PRKAR1B: variants seen among roughly 807,000 people sequenced by gnomAD.
PRKAR1B encodes protein kinase cAMP-dependent type I regulatory subunit beta, also known as cAMP-dependent protein kinase type I-beta regulatory subunit.
A neutral mutation model predicts 46.5 loss-of-function variants in PRKAR1B; 22 were observed. That is an observed-to-expected ratio of 0.47 (90% CI 0.34 to 0.68). PRKAR1B has a LOEUF of 0.68. Among genes scored for constraint, PRKAR1B ranks in the 30% least tolerant of loss-of-function variants. PRKAR1B has a pLI of 0.01. For missense variants in PRKAR1B, 445 were observed against 535.6 expected, an observed-to-expected ratio of 0.83 and a Z score of 1.67; for synonymous variants, 259 against 217.7, an observed-to-expected ratio of 1.19 and a Z score of -1.67.
At chr7:691,549 C>T in intron 2 of PRKAR1B, 1 of 1,304,482 alleles carries the variant, frequency 7.7e-7, no homozygotes, top group Non-Finnish European at 1.0e-6. Context: ...CCAGTGGATC[C>T]ATGTCCACAC....
At chr7:582,575 C>T (rs530297556) in intron 8 of PRKAR1B, among the ~76,000 whole-genome samples, 4 of 152,386 alleles carry the variant, frequency 2.6e-5, no homozygotes, top group South Asian at 4.1e-4. Context: ...ACGGAGGCCA[C>T]GCGGCCAGGG....
Position 550,323 on chromosome 7 carries a change from G to GC in PRKAR1B, c.*106dup, listed in dbSNP as rs1187939872. On this transcript the variant is annotated 3_prime_UTR_variant, in exon 11 of 11. Transcript: ENST00000537384. ...GCAGTCCTCACGCTGCCGGGACCCA[G>GC]CCCCACCCGGCCCACACCTCACACA... The GC allele has an allele frequency of 5.9e-6, 6 of 1,015,086 alleles. No homozygotes were observed. Among genetic ancestry groups the GC allele is most frequent in the African/African-American group, 1.6e-5 (1 of 62,376 alleles). The allele number at this position is 1,015,086 out of a possible 1,614,324, so 62.9% of individuals were successfully genotyped here. A position where few individuals can be genotyped will look rare whatever the true frequency, so the allele number is the denominator to read the frequency against.
chr7:715,443 C>A (rs1401421532), intron 1 of PRKAR1B, among the ~76,000 whole-genome samples: 1 of 152,056 alleles, frequency 6.6e-6, no homozygotes, highest in African/African-American at 2.4e-5. Flanking sequence ...GGTGACAAAC[C>A]CTGACGTGTG....
chr7:660,547 C>T (rs1165665074), intron 4 of PRKAR1B, among the ~76,000 whole-genome samples: 8 of 116,576 alleles, frequency 6.9e-5, no homozygotes, highest in East Asian at 6.0e-4. Flanking sequence ...CCCACCCCAA[C>T]GGGTCCAAAT....
chr7:566,150 T>C (rs1346131891), intron 9 of PRKAR1B, among the ~76,000 whole-genome samples: 1 of 68,902 alleles, frequency 1.5e-5, no homozygotes, highest in Non-Finnish European at 3.3e-5. Flanking sequence ...CCTTTATCAT[T>C]ACCATTACCA....
chr7:607,493 C>A, intron 4 of PRKAR1B, 41 bp from the exon 5 acceptor site: 2 of 1,561,932 alleles, frequency 1.3e-6, no homozygotes, highest in Non-Finnish European at 1.8e-6. Flanking sequence ...GCAGGCAGCA[C>A]AGGGACATTT....
chr7:550,518 G>C lies in PRKAR1B; in HGVS notation c.1058C>G (p.Pro353Arg). The C allele has an allele frequency of 6.2e-7, 1 of 1,604,238 alleles. No individual in the cohort carries two copies. Among genetic ancestry groups the C allele is most frequent in the Non-Finnish European group, 8.5e-7 (1 of 1,176,120 alleles). Reference protein sequence around the residue: ...GPLKCVKLDRPRFERVLGPCS... With the variant: ...GPLKCVKLDRRRFERVLGPCS... ...GGGCCCCAGCACACGCTCGAAGCGG[G>C]GCCGGTCCAGCTTCACACACTTGAG... Residue 353 changes from proline to arginine, a missense_variant, in exon 11 of 11, where the codon CCC becomes CGC. By Grantham distance (103) the Pro-to-Arg change is moderately radical. Transcript: ENST00000537384.
intron 9 of PRKAR1B, among the ~76,000 whole-genome samples, chr7:556,497 G>A (rs1319851226): frequency 6.6e-6 from 1 of 152,182 alleles, no homozygotes; most frequent in Non-Finnish European, 1.5e-5. Flanking sequence ...CGTCAATAAC[G>A]CGGAACAGTC....
At chr7:727,344 G>T (rs1283404863), upstream of PRKAR1B, 2 of 1,165,610 alleles carry the variant, frequency 1.7e-6, no homozygotes, top group Non-Finnish European at 2.1e-6. Flanking sequence ...GCTCCCACAC[G>T]CCACCCCACA....
intron 2 of PRKAR1B, among the ~76,000 whole-genome samples, chr7:693,836 G>A (rs74490850): frequency 0.01 from 1,526 of 152,272 alleles, 31 homozygotes; most frequent in African/African-American, 0.034. Flanking sequence ...TCCTTCCACT[G>A]TGGCTGTACC....
chr7:727,512 C>T, upstream of PRKAR1B: 1 of 307,092 alleles, frequency 3.3e-6, no homozygotes, highest in Non-Finnish European at 5.8e-6. Context: ...CCTCCTCCCA[C>T]CACCACTGCT....
intron 7 of PRKAR1B, among the ~76,000 whole-genome samples, chr7:592,368 G>A (rs763385995): frequency 3.5e-4 from 53 of 152,362 alleles, no homozygotes; most frequent in Admixed American, 5.9e-4. Context: ...GAGAAGCCGC[G>A]TCCCTTCCCG....
At position 688,436 on chromosome 7, in the gene PRKAR1B, C is replaced by T. The variant is rs140147812; in HGVS notation, c.178-7710G>A. Among the ~76,000 whole-genome samples the T allele has an allele frequency of 6.4e-3, 977 of 152,008 alleles. 6 individuals carry two copies. The highest frequency in any genetic ancestry group is 6.0e-3 in the Non-Finnish European group (411 of 67,970). On this transcript the variant is annotated intron_variant, in intron 2 of 10. Transcript: ENST00000537384. ...AAAAAAATACAAGACAGATTGCACA[C>T]TCCCCTGCCCACTGGAACCCTCCAA... is the stretch of plus-strand genomic sequence containing the variant.
At chr7:678,282 A>G (rs1335605939) in intron 3 of PRKAR1B, among the ~76,000 whole-genome samples, 1 of 152,158 alleles carries the variant, frequency 6.6e-6, no homozygotes, top group Non-Finnish European at 1.5e-5. Flanking sequence ...AAAATAAACA[A>G]ATAAACATAT....
intron 9 of PRKAR1B, among the ~76,000 whole-genome samples, chr7:558,627 C>T (rs1462525180): frequency 6.6e-6 from 1 of 152,008 alleles, no homozygotes; most frequent in Non-Finnish European, 1.5e-5. Flanking sequence ...GTGGTGCGCG[C>T]CTGTAATCCC....
At chr7:662,196 C>A (rs1341113600) in intron 4 of PRKAR1B, among the ~76,000 whole-genome samples, 18 of 101,404 alleles carry the variant, frequency 1.8e-4, no homozygotes, top group South Asian at 4.8e-4. Flanking sequence ...CTCTCCCCCC[C>A]ATGGCACAGG....
At chr7:607,574 C>A in intron 4 of PRKAR1B, 122 bp from the exon 5 acceptor site, 1 of 872,656 alleles carries the variant, frequency 1.1e-6, no homozygotes, top group South Asian at 1.5e-5. Context: ...ATGAGAAAAT[C>A]CATGAGAGTT....
At chr7:657,123 GGATA>G (rs1302275393) in intron 4 of PRKAR1B, among the ~76,000 whole-genome samples, 14 of 152,010 alleles carry the variant, frequency 9.2e-5, no homozygotes, top group Middle Eastern at 3.2e-3. Flanking sequence ...ATGGATGGAT[GGATA>G]GATGGATGAA....
rs1780792608 is a variant in PRKAR1B at position 714,202 on chromosome 7, G to A, written c.-22-2675C>T. Among the ~76,000 whole-genome samples the A allele has an allele frequency of 6.6e-6, 1 of 152,168 alleles. No individual in the cohort carries two copies. The highest frequency in any genetic ancestry group is 2.1e-4 in the South Asian group (1 of 4,826). The stretch of plus-strand genomic sequence containing the variant: ...CTCGCTTCGGGGGGCAGATGCTCCA[G>A]GCCTGGCTGCTTCTCTCCCGGGCTG... On this transcript the variant is annotated intron_variant, in intron 1 of 10. Transcript: ENST00000537384. This position sits in a 1 kb window ranked among gnomAD's most constrained non-coding sequence, Gnocchi z 4.3.
Sources: gnomAD v4.1 joint callset for allele counts (sites outside exome capture counted in the v4.1 genomes callset) on GRCh38, gnomAD v4.1.1 for gene constraint, Gnocchi (gnomAD v3.1) non-coding constraint, MANE v1.5 for transcripts, NCBI Gene and HGNC (gene_info 2026-07-23, HGNC 2026-07-21) for gene names.